CMYA5: variants seen among roughly 807,000 people sequenced by gnomAD.
The protein encoded by CMYA5 is cardiomyopathy-associated protein 5.
In CMYA5, 246 loss-of-function variants were observed where a neutral mutation model predicts 318.9. That is an observed-to-expected ratio of 0.77 (90% CI 0.70 to 0.86). The LOEUF (loss-of-function observed/expected upper bound fraction) is 0.86. Ranked by LOEUF, CMYA5 falls within the 40% of genes least tolerant of loss-of-function variation. The probability of loss-of-function intolerance (pLI) is 0.00; values close to 1 mark genes in which losing one functional copy is unlikely to be tolerated. For synonymous variants in CMYA5, 1,641 were observed against 1,729.5 expected (o/e 0.95, Z 1.27); for missense variants, 4,589 against 4,678.2 (o/e 0.98, Z 0.56).
chr5:79,788,981 G>A lies in CMYA5; in HGVS notation c.11566G>A (p.Gly3856Arg). ...TCCTCTTGTATTTAGATCTTTCTCT[G>A]GAATCAAAGGACTCCAGCTGAAAGT... Reference protein sequence around the residue: ...PEGEGLRSFSGIKGLQLKVNL... With the variant: ...PEGEGLRSFSRIKGLQLKVNL... Residue 3856 changes from glycine (G) to arginine (R), a missense_variant, in exon 10 of 13, where the codon GGA (glycine) becomes AGA (arginine). Physicochemically the swap from Gly to Arg is moderately radical, Grantham distance 125. Transcript: ENST00000446378. 5 of 1,613,230 alleles carry A rather than the reference G, an allele frequency of 3.1e-6. No homozygotes were observed. Among genetic ancestry groups the A allele is most frequent in the Non-Finnish European group, 4.2e-6 (5 of 1,179,488 alleles).
chr5:79,712,694 C>CA, intron 1 of CMYA5, among the ~76,000 whole-genome samples: 1 of 152,138 alleles, frequency 6.6e-6, no homozygotes, highest in Middle Eastern at 3.4e-3. Context: ...AAATTTAATA[C>CA]AAAAAATTGC....
intron 9 of CMYA5, 41 bp from the exon 10 acceptor site, chr5:79,788,930 T>C (rs1829125911): frequency 1.9e-6 from 3 of 1,578,854 alleles, no homozygotes. Context: ...ATTTAGCATG[T>C]GGCATTATGT....
intron 12 of CMYA5, among the ~76,000 whole-genome samples, chr5:79,798,959 T>C (rs1393586413): frequency 6.6e-6 from 1 of 152,206 alleles, no homozygotes; most frequent in East Asian, 1.9e-4. Context: ...ACTGTAAAAT[T>C]AATACATTGT....
intron 1 of CMYA5, among the ~76,000 whole-genome samples, chr5:79,693,596 G>T (rs2151073670): frequency 6.6e-6 from 1 of 152,220 alleles, no homozygotes; most frequent in Non-Finnish European, 1.5e-5. Context: ...TCTGCCTCCA[G>T]CCTCCCAAAA....
chr5:79,709,683 C>T (rs1018774600), intron 1 of CMYA5, among the ~76,000 whole-genome samples: 3 of 151,082 alleles, frequency 2.0e-5, no homozygotes, highest in East Asian at 1.9e-4. Context: ...ATCAGCTGGG[C>T]GTGGTGACTC....
chr5:79,742,941 A>G (rs1257215542), intron 2 of CMYA5, among the ~76,000 whole-genome samples: 2 of 152,186 alleles, frequency 1.3e-5, no homozygotes, highest in African/African-American at 4.8e-5. Flanking sequence ...GAGCTCTTCT[A>G]GCAGTCAAGG....
chr5:79,796,075 C>G (rs1324304207), intron 12 of CMYA5, among the ~76,000 whole-genome samples: 1 of 141,182 alleles, frequency 7.1e-6, no homozygotes, highest in Non-Finnish European at 1.5e-5. Flanking sequence ...TCAGGGAATA[C>G]CTTTCCCTAC....
intron 1 of CMYA5, among the ~76,000 whole-genome samples, chr5:79,712,573 A>G (rs975650244): frequency 1.3e-5 from 2 of 152,042 alleles, no homozygotes; most frequent in Non-Finnish European, 2.9e-5. Flanking sequence ...ACACTATATT[A>G]GGTATATGGA....
Position 79,732,412 on chromosome 5 carries a change from C to T in CMYA5, c.3647C>T (p.Ala1216Val), listed in dbSNP as rs1181532723. ...GAAATTGTGCCTGATTCTCAAGAAG[C>T]TACAGCACATGTATCACAGGATCAA... ...KEEIVPDSQEATAHVSQDQKM... is the reference protein window; with the variant it reads ...KEEIVPDSQEVTAHVSQDQKM... The change falls in exon 2 of 13, where the codon GCT becomes GTT. Residue 1216 changes from alanine (A) to valine (V), a missense_variant. Coordinates refer to ENST00000446378, the MANE Select transcript of CMYA5 (RefSeq NM_153610.5). 3 of 1,613,718 alleles carry T rather than the reference C, an allele frequency of 1.9e-6. No homozygotes were observed. The Admixed American group carries it at 5.0e-5, about 27-fold the overall frequency.
chr5:79,778,150 C>T (rs1007816074), intron 9 of CMYA5: 1 of 152,124 alleles, frequency 6.6e-6, no homozygotes, highest in Non-Finnish European at 1.5e-5. Context: ...TATAATTTAA[C>T]TTATTTACCA....
Position 79,737,062 on chromosome 5 carries a change from A to G in CMYA5, c.8297A>G (p.Glu2766Gly), listed in dbSNP as rs769560951. The stretch of plus-strand genomic sequence containing the variant: ...AGTGAAGAAAAAGAACAGTTCAAAG[A>G]GTCAGAGCTATGGAAAGGTGGTTCA... ...DHSEEKEQFK[E>G]SELWKGGSVD... Residue 2766 changes from glutamate (E) to glycine (G), a missense_variant, in exon 2 of 13, where the codon GAG becomes GGG. Glu to Gly is a moderately conservative substitution (Grantham distance 98). Around this residue, in one of 3 missense-constraint regions of CMYA5, gnomAD observed 2,431 missense variants for 2,495.1 expected, o/e 0.97. Coordinates refer to ENST00000446378, the MANE Select transcript of CMYA5 (RefSeq NM_153610.5). The G allele has an allele frequency of 6.2e-7, 1 of 1,613,608 alleles. No homozygotes were observed. Among genetic ancestry groups the G allele is most frequent in the Non-Finnish European group, 8.5e-7 (1 of 1,179,774 alleles).
At chr5:79,724,427 C>T (rs532867978) in intron 1 of CMYA5, among the ~76,000 whole-genome samples, 5 of 152,296 alleles carry the variant, frequency 3.3e-5, no homozygotes, top group Admixed American at 6.5e-5. Flanking sequence ...GAGGGTTATC[C>T]TCCAAATGAA....
chr5:79,752,538 C>T, intron 5 of CMYA5, 138 bp from the exon 6 acceptor site: 2 of 529,998 alleles, frequency 3.8e-6, no homozygotes, highest in Non-Finnish European at 3.3e-6. Flanking sequence ...GCTTTAAATC[C>T]TTTTTTGGAT....
At chr5:79,797,042 T>C (rs1829288909) in intron 12 of CMYA5, among the ~76,000 whole-genome samples, 1 of 152,232 alleles carries the variant, frequency 6.6e-6, no homozygotes, top group Non-Finnish European at 1.5e-5. Flanking sequence ...TATTTTCCAA[T>C]CTAGAAATGG....
chr5:79,732,184 G>A lies in CMYA5; in HGVS notation c.3419G>A (p.Arg1140Lys), dbSNP rs1016569466. 1.2e-6 allele frequency: 2 copies of A among 1,613,962 alleles called. No individual in the cohort carries two copies. Among genetic ancestry groups the A allele is most frequent in the Non-Finnish European group, 1.7e-6 (2 of 1,179,886 alleles). Reference sequence around the variant, plus strand: ...ACCAGTGAAGTGGAGAAGGGAGAAAGGGAGGCAAGTTCATCAGTAGCTGCA... The same window carrying A: ...ACCAGTGAAGTGGAGAAGGGAGAAAAGGAGGCAAGTTCATCAGTAGCTGCA... The part of the protein sequence containing the change: ...HLTSEVEKGE[R>K]EASSSVAAIP... The change falls in exon 2 of 13, where the codon AGG becomes AAG. Residue 1140 changes from arginine (R) to lysine (K), a missense_variant. This residue lies in a region of CMYA5 where 2,132 missense variants were observed against 2,131.3 expected (regional missense o/e 1.00). Transcript: ENST00000446378.
chr5:79,704,872 C>T (rs1280167868), intron 1 of CMYA5, among the ~76,000 whole-genome samples: 1 of 152,212 alleles, frequency 6.6e-6, no homozygotes, highest in Non-Finnish European at 1.5e-5. Context: ...TGAGAAGTCT[C>T]TATTTCTTTA....
chr5:79,711,569 AC>A (rs1827389081), intron 1 of CMYA5, among the ~76,000 whole-genome samples: 1 of 152,334 alleles, frequency 6.6e-6, no homozygotes, highest in Non-Finnish European at 1.5e-5. Flanking sequence ...AAAGAAATTA[AC>A]CACTTTCAAA....
chr5:79,767,443 G>A (rs1405508409), intron 9 of CMYA5, among the ~76,000 whole-genome samples: 1 of 152,192 alleles, frequency 6.6e-6, no homozygotes, highest in Non-Finnish European at 1.5e-5. Flanking sequence ...GGCATTTAGT[G>A]CTGTAAATTT....
At chr5:79,795,691 G>T (rs16877206) in intron 12 of CMYA5, among the ~76,000 whole-genome samples, 10,567 of 152,250 alleles carry the variant, frequency 0.069, 386 homozygotes, top group East Asian at 0.1. Flanking sequence ...AGTGAAGAGG[G>T]GCAGCCAGGA....
Sources: gnomAD v4.1 joint callset for allele counts (sites outside exome capture counted in the v4.1 genomes callset) on GRCh38, gnomAD v4.1.1 for gene constraint, gnomAD v4.1.1 regional missense constraint, MANE v1.5 for transcripts, NCBI Gene and HGNC (gene_info 2026-07-23, HGNC 2026-07-21) for gene names.